Variants in ERBB4 observed in about 807,000 individuals in gnomAD.
ERBB4 encodes receptor tyrosine-protein kinase erbB-4.
ERBB4 carries 42 observed loss-of-function variants against 158.0 expected under a neutral mutation model. That is an observed-to-expected ratio of 0.27 (90% CI 0.21 to 0.34). The LOEUF is 0.34. ERBB4 is among the 10% of genes least tolerant of loss of function. The pLI, the probability that ERBB4 is intolerant of heterozygous loss-of-function variation, is 1.00. For synonymous variants in ERBB4, 583 were observed against 558.7 expected, an observed-to-expected ratio of 1.04 and a Z score of -0.61; for missense variants, 1,333 against 1,624.1, an observed-to-expected ratio of 0.82 and a Z score of 3.08.
intron 2 of ERBB4, among the ~76,000 whole-genome samples, chr2:212,053,130 C>G (rs904031289): frequency 1.3e-5 from 2 of 152,112 alleles, no homozygotes; most frequent in African/African-American, 4.8e-5. Flanking sequence ...CTGCAGTGAG[C>G]CATGATTATG....
At chr2:212,466,761 A>G (rs1688856615) in intron 1 of ERBB4, among the ~76,000 whole-genome samples, 1 of 152,198 alleles carries the variant, frequency 6.6e-6, no homozygotes, top group South Asian at 2.1e-4. Context: ...ATACCCCAAA[A>G]TGTGGAAGCC....
intron 1 of ERBB4, among the ~76,000 whole-genome samples, chr2:212,393,313 T>G (rs1553632183): frequency 6.6e-6 from 1 of 152,104 alleles, no homozygotes; most frequent in Non-Finnish European, 1.5e-5. Context: ...ACACATTCAT[T>G]TTTAAGGGAG....
chr2:211,743,579 T>C (rs192955154), intron 5 of ERBB4, among the ~76,000 whole-genome samples: 42 of 152,302 alleles, frequency 2.8e-4, no homozygotes, highest in Non-Finnish European at 4.7e-4. Flanking sequence ...TTCTTAAACC[T>C]TAGTCTCTCT....
intron 20 of ERBB4, among the ~76,000 whole-genome samples, chr2:211,481,250 GA>G (rs920817376): frequency 1.3e-3 from 195 of 151,678 alleles, no homozygotes; most frequent in African/African-American, 4.5e-3. Flanking sequence ...ATGAAGAGAT[GA>G]AAAAAAACTA....
At position 211,686,989 on chromosome 2, in the gene ERBB4, A is replaced by G. The variant is rs534693663; in HGVS notation, c.1490-7805T>C. Among the ~76,000 whole-genome samples, 84 of 152,230 alleles carry G rather than the reference A, an allele frequency of 5.5e-4. 2 individuals carry two copies. The South Asian group carries it at 0.017, about 30-fold the overall frequency. On this transcript the variant is annotated intron_variant, in intron 12 of 27. Coordinates refer to ENST00000342788, the MANE Select transcript of ERBB4 (RefSeq NM_005235.3). ...AGAGTGTAAGCTGCCCAAGACCACAAGAGTTGGGTTAAAACCCAATACTGG... is the reference window on the plus strand; with the variant it reads ...AGAGTGTAAGCTGCCCAAGACCACAGGAGTTGGGTTAAAACCCAATACTGG...
At chr2:212,126,456 G>A (rs2079930644) in intron 1 of ERBB4, among the ~76,000 whole-genome samples, 1 of 56,516 alleles carries the variant, frequency 1.8e-5, no homozygotes, top group Non-Finnish European at 3.1e-5. Flanking sequence ...GTGAGACTCT[G>A]TCTCAAAAAA....
chr2:211,533,839 C>T (rs2066571330), intron 20 of ERBB4, among the ~76,000 whole-genome samples: 3 of 151,952 alleles, frequency 2.0e-5, no homozygotes, highest in Admixed American at 2.0e-4. Flanking sequence ...GGTCAGTAAT[C>T]TTTGGTCAAA....
intron 2 of ERBB4, among the ~76,000 whole-genome samples, chr2:211,984,966 C>T: frequency 6.6e-6 from 1 of 152,044 alleles, no homozygotes; most frequent in South Asian, 2.1e-4. Flanking sequence ...TCCTGACCTC[C>T]GGTGATCCAC....
intron 1 of ERBB4, among the ~76,000 whole-genome samples, chr2:212,344,789 C>T (rs1023902727): frequency 1.3e-5 from 2 of 151,890 alleles, no homozygotes; most frequent in Non-Finnish European, 2.9e-5. Flanking sequence ...AGTCTAAGAG[C>T]CCTGGCTTTC....
intron 5 of ERBB4, among the ~76,000 whole-genome samples, chr2:211,743,661 CT>C (rs2074868268): frequency 6.6e-6 from 1 of 152,118 alleles, no homozygotes; most frequent in African/African-American, 2.4e-5. Context: ...TCATTCTTAC[CT>C]GTAAGCCTGC....
Position 212,446,577 on chromosome 2 carries a change from C to CTATATATA in ERBB4, c.82+91871_82+91872insTATATATA, listed in dbSNP as rs2092351589. 3.9e-4 allele frequency among the ~76,000 whole-genome samples: 14 copies of CTATATATA among 36,052 alleles called. 3 individuals are homozygous for CTATATATA. Among genetic ancestry groups the CTATATATA allele is most frequent in the Non-Finnish European group, 8.1e-4 (13 of 16,054 alleles). 23.7% of individuals were successfully genotyped at this position (36,052 alleles called of 152,430 possible). The stretch of plus-strand genomic sequence containing the variant: ...ATGTAAGTTAATACTTAATAAACTC[C>CTATATATA]CATATATATATATGTATATATATAT... On this transcript the variant is annotated intron_variant, in intron 1 of 27. Coordinates refer to ENST00000342788, the MANE Select transcript of ERBB4 (RefSeq NM_005235.3).
In ERBB4 at chr2:211,381,127, C is replaced by G. The variant is rs2062567974; in HGVS notation, c.*2488G>C. 4.3e-6 allele frequency: 1 copy of G among 232,334 alleles called. No individual in the cohort carries two copies. The highest frequency in any genetic ancestry group is 2.2e-5 in the African/African-American group (1 of 45,284). The allele number at this position is 232,334 out of a possible 1,614,324, so 14.4% of individuals were successfully genotyped here. A position where few individuals can be genotyped will look rare whatever the true frequency, so the allele number is the denominator to read the frequency against. ...CTATTAGATTGTGGCCCCTGAATCA[C>G]TCTGTGTCTTTACCCCTGAAAAGTT... On this transcript the variant is annotated 3_prime_UTR_variant, in exon 28 of 28. Coordinates refer to ENST00000342788, the MANE Select transcript of ERBB4 (RefSeq NM_005235.3).
At chr2:211,632,867 T>C (rs927558455) in intron 16 of ERBB4, among the ~76,000 whole-genome samples, 2 of 152,128 alleles carry the variant, frequency 1.3e-5, no homozygotes, top group Non-Finnish European at 2.9e-5. Flanking sequence ...ACTGTTTTCT[T>C]ACCACTCTGC....
chr2:212,162,971 C>T (rs2081246213), intron 1 of ERBB4, among the ~76,000 whole-genome samples: 1 of 151,930 alleles, frequency 6.6e-6, no homozygotes, highest in Non-Finnish European at 1.5e-5. Flanking sequence ...TTTTGGGTAG[C>T]ATTTGAGAAC....
chr2:211,876,552 T>A (rs116389231), intron 3 of ERBB4, among the ~76,000 whole-genome samples: 1,872 of 152,282 alleles, frequency 0.012, 40 homozygotes, highest in African/African-American at 0.041. Context: ...AGAGACTGTG[T>A]GTTCGGTGAG....
chr2:211,401,689 A>G (rs1485477028), intron 25 of ERBB4, among the ~76,000 whole-genome samples: 2 of 152,084 alleles, frequency 1.3e-5, no homozygotes, highest in Non-Finnish European at 2.9e-5. Context: ...GATTTTAAAA[A>G]CAAATAAACA....
intron 1 of ERBB4, among the ~76,000 whole-genome samples, chr2:212,156,818 A>T (rs2081048954): frequency 6.6e-6 from 1 of 152,068 alleles, no homozygotes; most frequent in African/African-American, 2.4e-5. Flanking sequence ...TCCTTCATCA[A>T]ATAGATCACT....
chr2:211,794,157 G>A (rs781523645), intron 3 of ERBB4, among the ~76,000 whole-genome samples: 10 of 151,910 alleles, frequency 6.6e-5, no homozygotes, highest in Non-Finnish European at 1.3e-4. Context: ...ATGAAGCTCA[G>A]TAATGCTTGT....
In ERBB4 at chr2:212,124,317, CT is replaced by C. The variant is rs201915272; in HGVS notation, c.234+434del. ...AGATGCTTTTCTTTCCTTTTCTTTT[CT>C]TTTTTTTTAATAACAGTGTTAGTCT... On this transcript the variant is annotated intron_variant, in intron 2 of 27. Coordinates refer to ENST00000342788, the MANE Select transcript of ERBB4 (RefSeq NM_005235.3). 1.1e-4 allele frequency among the ~76,000 whole-genome samples: 17 copies of C among 150,538 alleles called. No individual in the cohort carries two copies. The South Asian group carries it at 3.0e-3, about 26-fold the overall frequency.
Sources: allele counts gnomAD v4.1 joint callset (sites outside exome capture counted in the v4.1 genomes callset), GRCh38; gene constraint gnomAD v4.1.1; transcripts MANE v1.5; gene names NCBI Gene and HGNC (gene_info 2026-07-23, HGNC 2026-07-21).